The following CUL2 variants were observed in gnomAD, a reference collection of about 807,000 sequenced individuals.
CUL2 encodes cullin 2, also known as cullin-2.
In CUL2, 22 loss-of-function variants were observed where a neutral mutation model predicts 110.2. The observed-to-expected ratio is 0.20, with a 90% CI of 0.14 to 0.28. The LOEUF (loss-of-function observed/expected upper bound fraction) is 0.28. Ranked by LOEUF, CUL2 falls within the 10% of genes least tolerant of loss-of-function variation. The probability of loss-of-function intolerance (pLI) is 1.00; values close to 1 mark genes in which losing one functional copy is unlikely to be tolerated. For synonymous variants in CUL2, 279 were observed against 293.2 expected, an observed-to-expected ratio of 0.95 and a Z score of 0.49; for missense variants, 631 against 905.5, an observed-to-expected ratio of 0.70 and a Z score of 3.89.
At chr10:35,076,894 C>T (rs764138176) in intron 1 of CUL2, among the ~76,000 whole-genome samples, 12 of 151,852 alleles carry the variant, frequency 7.9e-5, no homozygotes, top group African/African-American at 2.9e-4. Context: ...ACTAAAAATA[C>T]AAAAAAAATT....
chr10:35,016,108 C>G, intron 18 of CUL2, 84 bp downstream of exon 18: 1 of 1,115,144 alleles, frequency 9.0e-7, no homozygotes, highest in South Asian at 1.5e-5. Context: ...ATAACAATTA[C>G]AGCCTTATTT....
intron 1 of CUL2, among the ~76,000 whole-genome samples, chr10:35,107,141 AT>A (rs2087469404): frequency 6.6e-6 from 1 of 151,628 alleles, no homozygotes. Flanking sequence ...TGCCCGGCTA[AT>A]TTTTTGTATT....
intron 9 of CUL2, among the ~76,000 whole-genome samples, chr10:35,037,876 G>A (rs1400240269): frequency 6.6e-6 from 1 of 151,580 alleles, no homozygotes; most frequent in South Asian, 2.1e-4. Flanking sequence ...ATTAATGGCC[G>A]GGCGCGGTGA....
intron 1 of CUL2, among the ~76,000 whole-genome samples, chr10:35,088,942 T>C (rs1224555021): frequency 5.3e-5 from 8 of 152,146 alleles, no homozygotes; most frequent in Admixed American, 5.2e-4. Context: ...TTGGGAGGCC[T>C]AAGCAGGCGA....
At chr10:35,071,387 T>G (rs1220878178) in intron 1 of CUL2, 48 bp from the exon 2 acceptor site, 1 of 1,517,486 alleles carries the variant, frequency 6.6e-7, no homozygotes, top group Admixed American at 1.8e-5. Flanking sequence ...TCCATGAGCT[T>G]AGTTTTTTTG....
intron 1 of CUL2, among the ~76,000 whole-genome samples, chr10:35,116,065 G>A (rs1413321305): frequency 4.6e-5 from 7 of 151,902 alleles, no homozygotes; most frequent in Non-Finnish European, 8.8e-5. Flanking sequence ...ATTATGGGCC[G>A]GGCACAGCGG....
chr10:35,124,922 C>A (rs1362655872), intron 1 of CUL2, among the ~76,000 whole-genome samples: 1 of 152,158 alleles, frequency 6.6e-6, no homozygotes, highest in African/African-American at 2.4e-5. Flanking sequence ...AGTAGGTGAC[C>A]TAGTTGTCCC....
intron 1 of CUL2, among the ~76,000 whole-genome samples, chr10:35,110,338 T>C (rs993605706): frequency 6.6e-6 from 1 of 151,768 alleles, no homozygotes; most frequent in Non-Finnish European, 1.5e-5. Flanking sequence ...CCAAGGCAGG[T>C]GAATCACTTG....
At chr10:35,043,816 C>T (rs2134797763) in intron 8 of CUL2, among the ~76,000 whole-genome samples, 1 of 152,106 alleles carries the variant, frequency 6.6e-6, no homozygotes, top group Non-Finnish European at 1.5e-5. Context: ...TCTAAAATCC[C>T]AGCGCTTTGG....
intron 20 of CUL2, 79 bp from the exon 21 acceptor site, chr10:35,010,521 G>A: frequency 7.1e-7 from 1 of 1,407,502 alleles, no homozygotes; most frequent in Non-Finnish European, 9.5e-7. Flanking sequence ...TCAGTTTAAA[G>A]TGCCTCAAAT....
At chr10:35,036,643 A>G (rs2085628637) in intron 9 of CUL2, among the ~76,000 whole-genome samples, 1 of 152,326 alleles carries the variant, frequency 6.6e-6, no homozygotes, top group African/African-American at 2.4e-5. Flanking sequence ...TCTATTCTGC[A>G]GTGCCTGTTT....
intron 1 of CUL2, among the ~76,000 whole-genome samples, chr10:35,113,498 CAAAAAAAAAAA>C (rs59518617): frequency 3.3e-4 from 11 of 33,312 alleles, no homozygotes; most frequent in Admixed American, 1.4e-3. Context: ...GACTCTGCCT[CAAAAAAAAAAA>C]AAAAAAAAAA....
chr10:35,031,623 A>G lies in CUL2; in HGVS notation c.1171-4T>C. ...AGTTGTCACAGTACTTAGCAAGCTC[A>G]TGTAGAAATTGATAATAAATCTTAC... On this transcript the variant is annotated splice_polypyrimidine_tract_variant and splice_region_variant and intron_variant, in intron 12 of 20. Transcript: ENST00000374749. The surrounding 1 kb of genome is among the most constrained non-coding windows in gnomAD (Gnocchi z 4.4). 6.2e-7 allele frequency: 1 copy of G among 1,613,866 alleles called. No individual in the cohort carries two copies. Among genetic ancestry groups the G allele is most frequent in the Non-Finnish European group, 8.5e-7 (1 of 1,179,924 alleles).
At chr10:35,041,453 C>T (rs2085786004) in intron 8 of CUL2, among the ~76,000 whole-genome samples, 1 of 152,150 alleles carries the variant, frequency 6.6e-6, no homozygotes, top group Non-Finnish European at 1.5e-5. Flanking sequence ...CTGACTCATT[C>T]CCCAATTAAC....
intron 1 of CUL2, chr10:35,074,193 T>C: frequency 1.3e-6 from 2 of 1,535,466 alleles, no homozygotes; most frequent in South Asian, 1.2e-5. Flanking sequence ...ATAACCTACC[T>C]AAGCCAAAAA....
rs544816787 is a variant in CUL2, at chr10:35,124,935, C to A, written c.-51+1670G>T. Among the ~76,000 whole-genome samples the A allele has an allele frequency of 3.3e-5, 5 of 152,230 alleles. No individual in the cohort carries two copies. In the South Asian group the frequency reaches 1.0e-3, roughly 32 times the overall value. On this transcript the variant is annotated intron_variant, in intron 1 of 5. Coordinates refer to the CUL2 transcript ENST00000685421. ...AAAGTAGGTGACCTAGTTGTCCCTC[C>A]CCAACAGAGAATTAACTATCACCTA...
chr10:35,047,349 G>A (rs1022244437), intron 6 of CUL2, among the ~76,000 whole-genome samples: 1 of 151,272 alleles, frequency 6.6e-6, no homozygotes, highest in African/African-American at 2.4e-5. Context: ...AGTGGCTCAC[G>A]CCTGTAATCC....
chr10:35,048,254 G>A (rs999354785), intron 6 of CUL2, among the ~76,000 whole-genome samples: 1 of 152,118 alleles, frequency 6.6e-6, no homozygotes. Flanking sequence ...TGAGATCTTA[G>A]TAAAGCATGT....
intron 1 of CUL2, among the ~76,000 whole-genome samples, chr10:35,103,473 C>T (rs372225683): frequency 1.2e-3 from 176 of 151,886 alleles, no homozygotes; most frequent in African/African-American, 3.9e-3. Flanking sequence ...TACAGGCGCG[C>T]GCCACCATGC....
Sources: gnomAD v4.1 joint callset for allele counts (sites outside exome capture counted in the v4.1 genomes callset) on GRCh38, gnomAD v4.1.1 for gene constraint, Gnocchi (gnomAD v3.1) non-coding constraint, MANE v1.5 for transcripts, NCBI Gene and HGNC (gene_info 2026-07-23, HGNC 2026-07-21) for gene names.